CYFIP2: variants seen among roughly 807,000 people sequenced by gnomAD.
CYFIP2 encodes cytoplasmic FMR1 interacting protein 2, also known as cytoplasmic FMR1-interacting protein 2.
A neutral mutation model predicts 158.7 loss-of-function variants in CYFIP2; 29 were observed. That is an observed-to-expected ratio of 0.18 (90% CI 0.14 to 0.25). The LOEUF is 0.25. Among genes scored for constraint, CYFIP2 ranks in the 10% least tolerant of loss-of-function variants. CYFIP2 has a pLI of 1.00. For missense variants in CYFIP2, 852 were observed against 1,639.5 expected (o/e 0.52, Z 8.29); for synonymous variants, 585 against 617.6 (o/e 0.95, Z 0.78).
intron 1 of CYFIP2, among the ~76,000 whole-genome samples, chr5:157,275,142 A>G (rs1290578118): frequency 6.6e-6 from 1 of 152,046 alleles, no homozygotes; most frequent in Non-Finnish European, 1.5e-5. Context: ...TATTCTGTGG[A>G]CTTACTTTCT....
intron 18 of CYFIP2, among the ~76,000 whole-genome samples, chr5:157,326,530 A>T (rs976023821): frequency 6.6e-6 from 1 of 152,182 alleles, no homozygotes. Context: ...ATGTGTATAA[A>T]TACCCAAGCT....
At chr5:157,377,013 C>G (rs1175924784) in intron 26 of CYFIP2, 1 of 391,362 alleles carries the variant, frequency 2.6e-6, no homozygotes, top group Non-Finnish European at 5.2e-6. Context: ...GGGCAGGGGT[C>G]CTTTTACTCC....
chr5:157,275,436 A>G (rs1054648686), intron 1 of CYFIP2, among the ~76,000 whole-genome samples: 1 of 152,242 alleles, frequency 6.6e-6, no homozygotes. Context: ...TCTCTTGTCA[A>G]TTGACCATAA....
In CYFIP2 at chr5:157,394,061, A is replaced by C. The variant is rs1458374795; in HGVS notation, c.*1061A>C. Reference sequence around the variant, plus strand: ...CCAAAGAAGAGTCCTCTTTTAGGGAATCAGAACCTTCATTGTCCTAGAAGC... The same window carrying C: ...CCAAAGAAGAGTCCTCTTTTAGGGACTCAGAACCTTCATTGTCCTAGAAGC... On this transcript the variant is annotated 3_prime_UTR_variant, in exon 31 of 31. Transcript: ENST00000620254. The C allele has an allele frequency of 6.6e-6, 1 of 152,198 alleles. No individual in the cohort carries two copies. Among genetic ancestry groups the C allele is most frequent in the African/African-American group, 2.4e-5 (1 of 41,442 alleles). 9.4% of individuals were successfully genotyped at this position (152,198 alleles called of 1,614,324 possible). A position where few individuals can be genotyped will look rare whatever the true frequency, so the allele number is the denominator to read the frequency against.
At chr5:157,378,111 A>T (rs1252088094) in intron 26 of CYFIP2, among the ~76,000 whole-genome samples, 1 of 152,192 alleles carries the variant, frequency 6.6e-6, no homozygotes, top group East Asian at 1.9e-4. Context: ...GGGTGGGGGT[A>T]AGAGGGTCAG....
At position 157,294,846 on chromosome 5, in the gene CYFIP2, C is replaced by A. The variant is rs1580994337; in HGVS notation, c.271C>A (p.Arg91=). 1 of 1,613,346 alleles carries A rather than the reference C, an allele frequency of 6.2e-7. No homozygotes were observed. Among genetic ancestry groups the A allele is most frequent in the Non-Finnish European group, 8.5e-7 (1 of 1,179,446 alleles). The change falls in exon 4 of 31, where the codon CGG becomes AGG. Residue 91 remains arginine (R), a synonymous_variant. Coordinates refer to ENST00000620254, the MANE Select transcript of CYFIP2 (RefSeq NM_001037333.3). ...GCTGTACACCTGGCGCAGCTGTTCC[C>A]GGGCCATTCCCCAGGTGAGACTGTC... The part of the protein sequence containing the change: ...VMLYTWRSCS[R]AIPQVKCNEQ...
At chr5:157,306,993 G>A (rs374411) in intron 8 of CYFIP2, among the ~76,000 whole-genome samples, 97,995 of 151,726 alleles carry the variant, frequency 0.65, 33,328 homozygotes, top group Admixed American at 0.79. Context: ...GAGGAATGGA[G>A]AGAAGTGACT....
chr5:157,368,632 T>G (rs1764661796), intron 26 of CYFIP2, among the ~76,000 whole-genome samples: 1 of 151,052 alleles, frequency 6.6e-6, no homozygotes, highest in African/African-American at 2.5e-5. Flanking sequence ...TTGTGTGACT[T>G]TATTTACATC....
In CYFIP2 at chr5:157,320,778, T is replaced by C. The variant is rs185026624; in HGVS notation, c.1647T>C (p.Arg549=). Residue 549 remains arginine (R), a synonymous_variant, in exon 15 of 31, where the codon CGT becomes CGC. Coordinates refer to ENST00000620254, the MANE Select transcript of CYFIP2 (RefSeq NM_001037333.3). ...GATTTGATATCAAGGTGCCCCGGCG[T>C]GCTGTGGGGCCATCCAGCACACAGG... ...KGGFDIKVPR[R]AVGPSSTQLY... 4 of 1,603,882 alleles carry C rather than the reference T, an allele frequency of 2.5e-6. No individual in the cohort carries two copies. The highest frequency in any genetic ancestry group is 1.7e-4 in the Middle Eastern group (1 of 6,016).
chr5:157,303,472 T>A (rs532880999), intron 7 of CYFIP2, among the ~76,000 whole-genome samples: 12 of 152,286 alleles, frequency 7.9e-5, no homozygotes, highest in African/African-American at 2.6e-4. Flanking sequence ...AGCATAACTG[T>A]CACTTCAGCC....
chr5:157,298,272 A>C (rs1758414808), intron 5 of CYFIP2, among the ~76,000 whole-genome samples: 2 of 152,194 alleles, frequency 1.3e-5, no homozygotes. Flanking sequence ...TTTAAAGTGG[A>C]TAATTTAGCA....
intron 1 of CYFIP2, among the ~76,000 whole-genome samples, chr5:157,274,722 C>T (rs191101546): frequency 1.9e-4 from 29 of 152,270 alleles, no homozygotes; most frequent in Admixed American, 1.3e-3. Context: ...CACATCCTTG[C>T]CAACACTTGT....
chr5:157,273,718 C>G (rs879036075), intron 1 of CYFIP2, among the ~76,000 whole-genome samples: 1 of 152,160 alleles, frequency 6.6e-6, no homozygotes, highest in Admixed American at 6.5e-5. Context: ...CCCCAGCTCT[C>G]TTTGTACCCC....
intron 26 of CYFIP2, among the ~76,000 whole-genome samples, chr5:157,370,605 G>T (rs1423712593): frequency 6.6e-6 from 1 of 152,206 alleles, no homozygotes; most frequent in African/African-American, 2.4e-5. Context: ...AAGGTTGTCA[G>T]AAAGATTGAT....
At chr5:157,296,522 A>AG (rs1758266795) in intron 4 of CYFIP2, 151 bp from the exon 5 acceptor site, 1 of 682,856 alleles carries the variant, frequency 1.5e-6, no homozygotes, top group South Asian at 1.5e-5. Context: ...TGAGCCTGGG[A>AG]GGTTGAGGTT....
intron 23 of CYFIP2, among the ~76,000 whole-genome samples, chr5:157,346,937 T>A (rs1053109135): frequency 6.6e-6 from 1 of 152,210 alleles, no homozygotes; most frequent in Non-Finnish European, 1.5e-5. Context: ...GCTTTGAGGT[T>A]CCATCCCTTC....
chr5:157,283,854 G>A (rs1369771960), intron 1 of CYFIP2, among the ~76,000 whole-genome samples: 2 of 152,068 alleles, frequency 1.3e-5, no homozygotes. Context: ...TGTGTTGATG[G>A]TCCTTTTCCC....
At chr5:157,330,321 T>C (rs1271229768) in intron 19 of CYFIP2, among the ~76,000 whole-genome samples, 1 of 151,590 alleles carries the variant, frequency 6.6e-6, no homozygotes, top group African/African-American at 2.4e-5. Context: ...ATAAACACTA[T>C]GCAACTGTTA....
chr5:157,384,141 T>A, intron 28 of CYFIP2: 1 of 377,770 alleles, frequency 2.6e-6, no homozygotes, highest in South Asian at 2.0e-5. Flanking sequence ...TGAGCTTATA[T>A]GTTATTCTGT....
Sources: allele counts gnomAD v4.1 joint callset (sites outside exome capture counted in the v4.1 genomes callset), GRCh38; gene constraint gnomAD v4.1.1; transcripts MANE v1.5; gene names NCBI Gene and HGNC (gene_info 2026-07-23, HGNC 2026-07-21).